The following STX11 variants were observed in gnomAD, a reference collection of about 807,000 sequenced individuals.
STX11 encodes syntaxin-11.
In STX11, 21 loss-of-function variants were observed where a neutral mutation model predicts 19.9. The ratio of observed to expected loss-of-function variants is 1.06; its 90% confidence interval spans 0.75 to 1.52. STX11 has a LOEUF of 1.52. Among genes scored for constraint, STX11 ranks in the 40% most tolerant of loss-of-function variants. STX11 has a pLI of 0.00. For missense variants in STX11, 438 were observed against 405.9 expected (o/e 1.08, Z -0.68); for synonymous variants, 193 against 174.4 (o/e 1.11, Z -0.84).
intron 1 of STX11, among the ~76,000 whole-genome samples, chr6:144,163,966 T>G (rs1415002996): frequency 6.6e-6 from 1 of 152,138 alleles, no homozygotes; most frequent in Non-Finnish European, 1.5e-5. Context: ...ATAAAAAGGT[T>G]TATGTTAAGT....
At chr6:144,150,389 TG>T, upstream of STX11, 1 of 685,006 alleles carries the variant, frequency 1.5e-6, no homozygotes, top group Non-Finnish European at 1.8e-6. Flanking sequence ...GCATGGACTC[TG>T]GGTGGGGCGG....
upstream of STX11, among the ~76,000 whole-genome samples, chr6:144,150,024 A>T (rs1800952733): frequency 6.6e-6 from 1 of 152,150 alleles, no homozygotes; most frequent in Non-Finnish European, 1.5e-5. Flanking sequence ...GTTGGTCGGC[A>T]GGGTTCTGGG....
upstream of STX11, among the ~76,000 whole-genome samples, chr6:144,147,231 A>ATCTGATGTT (rs557191120): frequency 7.9e-4 from 119 of 150,688 alleles, no homozygotes; most frequent in African/African-American, 2.8e-3. The surrounding 1 kb of genome is among the most constrained non-coding windows in gnomAD (Gnocchi z 4.2). Context: ...CTTTGTCTTC[A>ATCTGATGTT]TCTGATGTTT....
In STX11 at chr6:144,159,454, G is replaced by C. The variant is rs1375496392; in HGVS notation, c.-6+8751G>C. Among the ~76,000 whole-genome samples, 1 of 152,126 alleles carries C rather than the reference G, an allele frequency of 6.6e-6. No individual in the cohort carries two copies. Among genetic ancestry groups the C allele is most frequent in the Non-Finnish European group, 1.5e-5 (1 of 68,032 alleles). ...AATAGAAGTTACGGATTTGGCTTTGGTTACAAGAGACTACTTTTTAACAAA... is the reference window on the plus strand; with the variant it reads ...AATAGAAGTTACGGATTTGGCTTTGCTTACAAGAGACTACTTTTTAACAAA... On this transcript the variant is annotated intron_variant, in intron 1 of 1. Coordinates refer to ENST00000367568, the MANE Select transcript of STX11 (RefSeq NM_003764.4). The surrounding 1 kb of genome is among the most constrained non-coding windows in gnomAD (Gnocchi z 4.3).
Position 144,175,618 on chromosome 6 carries a change from CTT to C in STX11, c.-5-11002_-5-11001del, listed in dbSNP as rs1443646856. 1.3e-5 allele frequency among the ~76,000 whole-genome samples: 2 copies of C among 152,142 alleles called. No homozygotes were observed. Among genetic ancestry groups the C allele is most frequent in the Non-Finnish European group, 2.9e-5 (2 of 68,034 alleles). ...CACCGCGCCCAGCCTTAATAACACT[CTT>C]TTAATCATTATTTGTATGTGAATAC... On this transcript the variant is annotated intron_variant, in intron 1 of 1. Transcript: ENST00000367568. This position sits in a 1 kb window ranked among gnomAD's most constrained non-coding sequence, Gnocchi z 5.1.
rs1357013986 is a variant in STX11 at position 144,151,286 on chromosome 6, G to A, written c.-6+583G>A. 8.1e-6 allele frequency: 8 copies of A among 985,316 alleles called. No homozygotes were observed. In the South Asian group the frequency reaches 1.9e-4, roughly 23 times the overall value. The allele number at this position is 985,316 out of a possible 1,614,324, so 61.0% of individuals were successfully genotyped here. A position where few individuals can be genotyped will look rare whatever the true frequency, so the allele number is the denominator to read the frequency against. Reference sequence around the variant, plus strand: ...GCCTGCGAGAGCCACGCCGTCCTGAGAGGGAATTCTGCCTTTTTCTAGACT... The same window carrying A: ...GCCTGCGAGAGCCACGCCGTCCTGAAAGGGAATTCTGCCTTTTTCTAGACT... On this transcript the variant is annotated intron_variant, in intron 1 of 1. Transcript: ENST00000367568. This position sits in a 1 kb window ranked among gnomAD's most constrained non-coding sequence, Gnocchi z 4.6.
At chr6:144,148,122 C>T (rs1800910368), upstream of STX11, among the ~76,000 whole-genome samples, 1 of 152,318 alleles carries the variant, frequency 6.6e-6, no homozygotes, top group East Asian at 1.9e-4. Flanking sequence ...TTTAGCTTCT[C>T]TGATAAACAT....
At chr6:144,145,322 T>G in the STX11 span, among the ~76,000 whole-genome samples, 1 of 152,218 alleles carries the variant, frequency 6.6e-6, no homozygotes, top group Admixed American at 6.5e-5. Flanking sequence ...TATTGTATGA[T>G]TCCACTTATA....
At chr6:144,185,253 C>T (rs1801997309) in intron 1 of STX11, among the ~76,000 whole-genome samples, 1 of 152,206 alleles carries the variant, frequency 6.6e-6, no homozygotes, top group African/African-American at 2.4e-5. Flanking sequence ...TCCAACTTGT[C>T]AGCATTCCAT....
chr6:144,146,394 C>T (rs72992162), upstream of STX11, among the ~76,000 whole-genome samples: 46,006 of 152,072 alleles, frequency 0.3, 7,511 homozygotes, highest in South Asian at 0.39. This position sits in a 1 kb window ranked among gnomAD's most constrained non-coding sequence, Gnocchi z 4.4. Flanking sequence ...GGGGTTTCAG[C>T]TGGGTGTGAG....
Position 144,180,303 on chromosome 6 carries a change from G to A in STX11, c.-5-6320G>A, listed in dbSNP as rs1455922035. ...AATAATTCCCTTAGAGGCATGTTGG[G>A]AACAATGACTTTCACAATTGTTCTT... On this transcript the variant is annotated intron_variant, in intron 1 of 1. Transcript: ENST00000367568. This position sits in a 1 kb window ranked among gnomAD's most constrained non-coding sequence, Gnocchi z 5.3. 1.3e-5 allele frequency among the ~76,000 whole-genome samples: 2 copies of A among 152,128 alleles called. No homozygotes were observed. Among genetic ancestry groups the A allele is most frequent in the African/African-American group, 4.8e-5 (2 of 41,420 alleles).
intron 1 of STX11, among the ~76,000 whole-genome samples, chr6:144,161,129 CTTAA>C (rs1387086303): frequency 4.6e-5 from 7 of 152,106 alleles, no homozygotes; most frequent in African/African-American, 1.7e-4. Flanking sequence ...CAGTTGAATA[CTTAA>C]TTAACTGTAA....
chr6:144,146,429 A>C (rs1026667014), upstream of STX11, among the ~76,000 whole-genome samples: 3 of 152,208 alleles, frequency 2.0e-5, no homozygotes, highest in Non-Finnish European at 4.4e-5. The surrounding 1 kb of genome is among the most constrained non-coding windows in gnomAD (Gnocchi z 4.4). Flanking sequence ...AAGATAATTC[A>C]GATTGGCCAT....
In STX11 at chr6:144,187,226, C is replaced by G; in HGVS notation, c.599C>G (p.Ala200Gly). The G allele has an allele frequency of 6.2e-7, 1 of 1,613,894 alleles. No individual in the cohort carries two copies. Among genetic ancestry groups the G allele is most frequent in the Non-Finnish European group, 8.5e-7 (1 of 1,179,986 alleles). ...AACTTGCTGGCCGACGTGAAGGGCG[C>G]GCGGGCCGCCCTCAACGAGATCGAG... is the stretch of plus-strand genomic sequence containing the variant. ...SENLLADVKG[A>G]RAALNEIESR... Residue 200 changes from alanine (A) to glycine (G), a missense_variant, in exon 2 of 2, where the codon GCG becomes GGG. Transcript: ENST00000367568. This position sits in a 1 kb window ranked among gnomAD's most constrained non-coding sequence, Gnocchi z 5.6.
Position 144,186,828 on chromosome 6 carries a change from G to A in STX11, c.201G>A (p.Lys67=). 1.2e-6 allele frequency: 2 copies of A among 1,613,390 alleles called. No homozygotes were observed. Among genetic ancestry groups the A allele is most frequent in the Non-Finnish European group, 8.5e-7 (1 of 1,179,958 alleles). ...TGGCCGACGTGAAGCGGCTGGGAAA[G>A]CAGAACGCCCGCTTCCTCACGTCCA... The part of the protein sequence containing the change: ...LLVADVKRLG[K]QNARFLTSMR... The change falls in exon 2 of 2, where the codon AAG becomes AAA. Residue 67 remains lysine (K), a synonymous_variant. Transcript: ENST00000367568.
At chr6:144,181,806 TC>T (rs1255519113) in intron 1 of STX11, among the ~76,000 whole-genome samples, 1 of 152,172 alleles carries the variant, frequency 6.6e-6, no homozygotes, top group Non-Finnish European at 1.5e-5. Flanking sequence ...ATCTCTTTGT[TC>T]CTTTGTTTTC....
At chr6:144,179,863 T>C (rs749490044) in intron 1 of STX11, among the ~76,000 whole-genome samples, 3 of 152,226 alleles carry the variant, frequency 2.0e-5, no homozygotes, top group Non-Finnish European at 4.4e-5. Flanking sequence ...AATTAGGACA[T>C]AGGAGGTATG....
rs1584053842 is a variant in STX11, at chr6:144,182,213, G to A, written c.-5-4410G>A. ...TATTTGTGCCCACTTCTATATTTTT[G>A]TATAACTTCAGTAGTGTATACACTT... On this transcript the variant is annotated intron_variant, in intron 1 of 1. Transcript: ENST00000367568. The surrounding 1 kb of genome is among the most constrained non-coding windows in gnomAD (Gnocchi z 4.8). Among the ~76,000 whole-genome samples the A allele has an allele frequency of 6.6e-6, 1 of 152,240 alleles. No homozygotes were observed. Among genetic ancestry groups the A allele is most frequent in the African/African-American group, 2.4e-5 (1 of 41,534 alleles).
At chr6:144,144,496 A>C in the STX11 span, among the ~76,000 whole-genome samples, 1 of 152,230 alleles carries the variant, frequency 6.6e-6, no homozygotes, top group Non-Finnish European at 1.5e-5. Flanking sequence ...GATGAGGCAG[A>C]GGTGGCTACC....
Sources: allele counts gnomAD v4.1 joint callset (sites outside exome capture counted in the v4.1 genomes callset), GRCh38; gene constraint gnomAD v4.1.1; non-coding constraint Gnocchi (gnomAD v3.1); transcripts MANE v1.5; gene names NCBI Gene and HGNC (gene_info 2026-07-23, HGNC 2026-07-21).